Variants in PICALM observed in about 807,000 individuals in gnomAD.
PICALM encodes the protein phosphatidylinositol-binding clathrin assembly protein.
In PICALM, 40 loss-of-function variants were observed where a neutral mutation model predicts 80.5. The observed-to-expected ratio is 0.50, with a 90% CI of 0.39 to 0.65. The LOEUF is 0.65. PICALM is among the 30% of genes least tolerant of loss of function. The pLI is 0.00. For synonymous variants in PICALM, 288 were observed against 260.3 expected (o/e 1.11, Z -1.02); for missense variants, 676 against 778.9 (o/e 0.87, Z 1.57).
chr11:85,963,638 T>C (rs2093767884), intron 19 of PICALM, among the ~76,000 whole-genome samples: 1 of 152,212 alleles, frequency 6.6e-6, no homozygotes, highest in African/African-American at 2.4e-5. Flanking sequence ...ATAGTATCTC[T>C]TAAATTCCTT....
At chr11:86,044,367 A>T (rs1424496735) in intron 1 of PICALM, among the ~76,000 whole-genome samples, 8 of 152,194 alleles carry the variant, frequency 5.3e-5, no homozygotes, top group Non-Finnish European at 2.9e-5. Context: ...GTAAGTGTGA[A>T]GGCCTCCCAT....
At chr11:86,038,904 GT>G (rs1208421089) in intron 1 of PICALM, among the ~76,000 whole-genome samples, 2 of 152,172 alleles carry the variant, frequency 1.3e-5, no homozygotes, top group African/African-American at 4.8e-5. Flanking sequence ...AAGGTCAGGA[GT>G]TTGAGACCAG....
intron 4 of PICALM, among the ~76,000 whole-genome samples, chr11:86,018,190 G>A (rs879355873): frequency 3.3e-5 from 5 of 152,038 alleles, no homozygotes; most frequent in Non-Finnish European, 5.9e-5. Context: ...GGAAAAGAGT[G>A]AAAAACCCAA....
intron 3 of PICALM, among the ~76,000 whole-genome samples, chr11:86,025,970 C>A (rs2095643621): frequency 1.3e-5 from 2 of 152,150 alleles, no homozygotes; most frequent in Non-Finnish European, 2.9e-5. Context: ...TTACTCGATT[C>A]TACTGATGCA....
chr11:86,045,622 T>C (rs766634155), intron 1 of PICALM, among the ~76,000 whole-genome samples: 7 of 150,740 alleles, frequency 4.6e-5, no homozygotes, highest in Non-Finnish European at 4.4e-5. Context: ...TCCTGACAAA[T>C]GTCTTTCTTA....
At chr11:86,010,001 T>A (rs1441179173) in intron 7 of PICALM, among the ~76,000 whole-genome samples, 1 of 152,194 alleles carries the variant, frequency 6.6e-6, no homozygotes, top group African/African-American at 2.4e-5. Context: ...GAATAATATA[T>A]CACCACAGTA....
chr11:85,988,738 C>CA (rs2094664459), intron 13 of PICALM, among the ~76,000 whole-genome samples: 1 of 151,842 alleles, frequency 6.6e-6, no homozygotes, highest in Admixed American at 6.6e-5. Context: ...TCAAGAAAAA[C>CA]AAAAAATGGG....
At chr11:85,990,544 A>C in intron 12 of PICALM, 145 bp from the exon 13 acceptor site, 1 of 412,390 alleles carries the variant, frequency 2.4e-6, no homozygotes. Flanking sequence ...AAAACAAAAA[A>C]TACCTAATCA....
intron 18 of PICALM, among the ~76,000 whole-genome samples, chr11:85,975,769 G>C (rs981889693): frequency 2.6e-5 from 4 of 151,724 alleles, no homozygotes; most frequent in African/African-American, 9.7e-5. Flanking sequence ...GCTAATTTTT[G>C]TATTTTTAGT....
At chr11:85,991,173 T>C (rs950190810) in intron 12 of PICALM, among the ~76,000 whole-genome samples, 1 of 152,190 alleles carries the variant, frequency 6.6e-6, no homozygotes, top group African/African-American at 2.4e-5. Context: ...TTCTAATGAC[T>C]GAAATCTATT....
chr11:86,039,579 T>C (rs2095911184), intron 1 of PICALM, among the ~76,000 whole-genome samples: 1 of 152,154 alleles, frequency 6.6e-6, no homozygotes, highest in Non-Finnish European at 1.5e-5. Flanking sequence ...ATCTGGTCTG[T>C]TTATTTTAAC....
chr11:85,986,095 T>C (rs769211987), intron 13 of PICALM, among the ~76,000 whole-genome samples: 1 of 151,900 alleles, frequency 6.6e-6, no homozygotes, highest in Admixed American at 6.6e-5. Flanking sequence ...ATCTCAAGTT[T>C]TAAAAACATC....
rs990719391 is a variant in PICALM at position 86,068,858 on chromosome 11, C to G, written c.-78G>C. The G allele has an allele frequency of 2.2e-3, 3,210 of 1,480,682 alleles. 3 individuals carry two copies. The highest frequency in any genetic ancestry group is 2.6e-3 in the Non-Finnish European group (2,877 of 1,117,574). The allele number at this position is 1,480,682 out of a possible 1,614,324, so 91.7% of individuals were successfully genotyped here. A position where few individuals can be genotyped will look rare whatever the true frequency, so the allele number is the denominator to read the frequency against. On this transcript the variant is annotated 5_prime_UTR_variant, in exon 1 of 20. Coordinates refer to ENST00000393346, the MANE Select transcript of PICALM (RefSeq NM_007166.4). ...CCCCCAAGAGCCGGAGGGTCCCCAC[C>G]CCCCACCGCACCCCCTACCCCCACC... is the stretch of plus-strand genomic sequence containing the variant.
intron 1 of PICALM, 88 bp from the exon 2 acceptor site, chr11:86,031,699 T>C (rs1021955598): frequency 1.1e-6 from 1 of 924,000 alleles, no homozygotes; most frequent in Non-Finnish European, 1.6e-6. Context: ...AGGCAAAAGA[T>C]TTAACACAAA....
chr11:86,032,201 A>G (rs1164767221), intron 1 of PICALM, among the ~76,000 whole-genome samples: 2 of 152,228 alleles, frequency 1.3e-5, no homozygotes, highest in Admixed American at 6.5e-5. Flanking sequence ...GTTCTACTGA[A>G]TTAGCTCAGA....
intron 4 of PICALM, among the ~76,000 whole-genome samples, chr11:86,019,250 A>G (rs528954828): frequency 1.5e-5 from 2 of 136,530 alleles, no homozygotes; most frequent in South Asian, 4.8e-4. Flanking sequence ...CATGTCCTCA[A>G]TTTATACCTG....
intron 1 of PICALM, among the ~76,000 whole-genome samples, chr11:86,057,337 G>C (rs1593446613): frequency 6.6e-6 from 1 of 152,248 alleles, no homozygotes; most frequent in Middle Eastern, 3.4e-3. Flanking sequence ...TCAGGAGTTT[G>C]AGACCAGCCT....
chr11:86,044,475 G>A (rs1402036573), intron 1 of PICALM, among the ~76,000 whole-genome samples: 7 of 152,142 alleles, frequency 4.6e-5, no homozygotes, highest in East Asian at 3.8e-4. Flanking sequence ...CTAGTTTTAC[G>A]TATATAGTAC....
Position 86,068,876 on chromosome 11 carries a change from C to T in PICALM, c.-96G>A. The stretch of plus-strand genomic sequence containing the variant: ...TCCCCACCCCCCACCGCACCCCCTA[C>T]CCCCACCGGCTCCTTCCCCGCCTGC... On this transcript the variant is annotated 5_prime_UTR_variant, in exon 1 of 20. Transcript: ENST00000393346. 1 of 1,422,252 alleles carries T rather than the reference C, an allele frequency of 7.0e-7. No individual in the cohort carries two copies. The highest frequency in any genetic ancestry group is 9.2e-7 in the Non-Finnish European group (1 of 1,082,932). The allele number at this position is 1,422,252 out of a possible 1,614,324, so 88.1% of individuals were successfully genotyped here.
Sources: allele counts gnomAD v4.1 joint callset (sites outside exome capture counted in the v4.1 genomes callset), GRCh38; gene constraint gnomAD v4.1.1; transcripts MANE v1.5; gene names NCBI Gene and HGNC (gene_info 2026-07-23, HGNC 2026-07-21).